LMBR1: variants seen among roughly 807,000 people sequenced by gnomAD.
The protein encoded by LMBR1 is limb region 1 protein homolog.
A neutral mutation model predicts 73.9 loss-of-function variants in LMBR1; 52 were observed. The ratio of observed to expected loss-of-function variants is 0.70; its 90% CI spans 0.56 to 0.89. The LOEUF is 0.89. Among genes scored for constraint, LMBR1 ranks in the 40% least tolerant of loss-of-function variants. LMBR1 has a pLI of 0.00. For missense variants in LMBR1, 539 were observed against 579.8 expected (o/e 0.93, Z 0.72); for synonymous variants, 215 against 209.4 (o/e 1.03, Z -0.23).
chr7:156,711,818 AC>A (rs1256946599), intron 15 of LMBR1, among the ~76,000 whole-genome samples: 4 of 152,122 alleles, frequency 2.6e-5, no homozygotes, highest in Non-Finnish European at 5.9e-5. Context: ...AAGAAACTGG[AC>A]CCCTATCTCT....
At chr7:156,742,127 T>A (rs946626357) in intron 9 of LMBR1, among the ~76,000 whole-genome samples, 2 of 151,900 alleles carry the variant, frequency 1.3e-5, no homozygotes, top group African/African-American at 4.8e-5. Flanking sequence ...TACCAAAACC[T>A]ACAGGATGCA....
intron 1 of LMBR1, among the ~76,000 whole-genome samples, chr7:156,881,682 T>C (rs950185889): frequency 5.9e-5 from 9 of 152,108 alleles, no homozygotes; most frequent in African/African-American, 1.9e-4. Flanking sequence ...GAATAAAGCA[T>C]TTCTCTAAAG....
chr7:156,800,817 T>C (rs1250589932), intron 4 of LMBR1, among the ~76,000 whole-genome samples: 1 of 152,048 alleles, frequency 6.6e-6, no homozygotes, highest in Non-Finnish European at 1.5e-5. Flanking sequence ...CACCTGGAGT[T>C]TGGAAGTGAT....
At chr7:156,702,358 C>T (rs1325519365) in intron 15 of LMBR1, among the ~76,000 whole-genome samples, 1 of 152,154 alleles carries the variant, frequency 6.6e-6, no homozygotes, top group Non-Finnish European at 1.5e-5. Context: ...TTCTGATTTG[C>T]ATTTCTCTAA....
Position 156,685,485 on chromosome 7 carries a change from G to A in LMBR1, c.1388-1322C>T, listed in dbSNP as rs552151921. ...CATCCCTAGGCTGCAGGGTGTGGCC[G>A]GCTGCTCCTCAGTTACCAAGCAGAC... On this transcript the variant is annotated intron_variant, in intron 16 of 16. Coordinates refer to ENST00000353442, the MANE Select transcript of LMBR1 (RefSeq NM_022458.4). This position sits in a 1 kb window ranked among gnomAD's most constrained non-coding sequence, Gnocchi z 4.1. Among the ~76,000 whole-genome samples, 151 of 152,336 alleles carry A rather than the reference G, an allele frequency of 9.9e-4. No individual in the cohort carries two copies. The highest frequency in any genetic ancestry group is 9.5e-3 in the Admixed American group (145 of 15,308).
chr7:156,688,307 G>C (rs1806395911), intron 15 of LMBR1, 116 bp from the exon 16 acceptor site: 2 of 670,288 alleles, frequency 3.0e-6, no homozygotes, highest in Non-Finnish European at 4.9e-6. Context: ...TCTGTGACGT[G>C]AGATGCTCTA....
chr7:156,772,111 T>G (rs543349664), intron 5 of LMBR1, among the ~76,000 whole-genome samples: 282 of 152,068 alleles, frequency 1.9e-3, no homozygotes, highest in African/African-American at 6.5e-3. Flanking sequence ...CCGTCTCTAC[T>G]AAAAATACAA....
chr7:156,676,413 C>G, downstream of LMBR1: 1 of 1,614,062 alleles, frequency 6.2e-7, no homozygotes, highest in Non-Finnish European at 8.5e-7. Flanking sequence ...GTCCTGTGTG[C>G]CGCAGGCTCT....
chr7:156,696,634 G>C (rs1808344269), intron 15 of LMBR1, among the ~76,000 whole-genome samples: 1 of 152,156 alleles, frequency 6.6e-6, no homozygotes, highest in African/African-American at 2.4e-5. Flanking sequence ...AAAACCATCA[G>C]ATCTTGTGAG....
At position 156,763,107 on chromosome 7, in the gene LMBR1, C is replaced by A; in HGVS notation, c.619+1G>T. ...TAATATCAAGTCTGAAAAATACTTA[C>A]AGAGAAGTAACAAACATCCCATCAA... On this transcript the variant is annotated splice_donor_variant, in intron 7 of 16. Coordinates refer to ENST00000353442, the MANE Select transcript of LMBR1 (RefSeq NM_022458.4). LOFTEE classifies it high-confidence loss of function. 1 of 1,351,564 alleles carries A rather than the reference C, an allele frequency of 7.4e-7. No homozygotes were observed. The highest frequency in any genetic ancestry group is 1.0e-6 in the Non-Finnish European group (1 of 963,198). The allele number at this position is 1,351,564 out of a possible 1,614,324, so 83.7% of individuals were successfully genotyped here.
At chr7:156,839,153 G>C (rs549703772) in intron 1 of LMBR1, among the ~76,000 whole-genome samples, 2 of 147,792 alleles carry the variant, frequency 1.4e-5, no homozygotes, top group Admixed American at 1.4e-4. Context: ...AGGTTCAAGT[G>C]ATTCTCCTGC....
chr7:156,721,847 TTTCA>T (rs1254894635), intron 15 of LMBR1, among the ~76,000 whole-genome samples: 4 of 152,118 alleles, frequency 2.6e-5, no homozygotes, highest in Non-Finnish European at 5.9e-5. Flanking sequence ...GTACAAAATT[TTTCA>T]TTCAAATATA....
chr7:156,700,206 T>C (rs1585250033), intron 15 of LMBR1, among the ~76,000 whole-genome samples: 1 of 152,216 alleles, frequency 6.6e-6, no homozygotes, highest in Non-Finnish European at 1.5e-5. Context: ...TGGAATACTA[T>C]GCAGCCATAA....
chr7:156,839,497 G>A (rs914454616), intron 1 of LMBR1, among the ~76,000 whole-genome samples: 4 of 151,566 alleles, frequency 2.6e-5, no homozygotes, highest in African/African-American at 9.7e-5. Context: ...GCCACAGCTT[G>A]TTGTGGAACA....
chr7:156,779,923 C>T (rs771076864), intron 5 of LMBR1, among the ~76,000 whole-genome samples: 19 of 152,152 alleles, frequency 1.2e-4, no homozygotes, highest in Non-Finnish European at 2.6e-4. Context: ...AACATATACA[C>T]AGTCATCAGG....
At chr7:156,707,762 A>G (rs749563017) in intron 15 of LMBR1, among the ~76,000 whole-genome samples, 4 of 152,124 alleles carry the variant, frequency 2.6e-5, no homozygotes, top group African/African-American at 9.6e-5. Context: ...GCCAAAAATC[A>G]TAAGAACTGG....
intron 1 of LMBR1, among the ~76,000 whole-genome samples, chr7:156,891,883 T>G (rs1803063548): frequency 6.6e-6 from 1 of 152,234 alleles, no homozygotes; most frequent in African/African-American, 2.4e-5. Flanking sequence ...TCCAAAGTGA[T>G]TCTCAATTTT....
At chr7:156,806,794 T>G (rs1372376724) in intron 4 of LMBR1, among the ~76,000 whole-genome samples, 1 of 151,898 alleles carries the variant, frequency 6.6e-6, no homozygotes, top group African/African-American at 2.4e-5. Flanking sequence ...ATATTTTTAG[T>G]AGGGACAGGG....
chr7:156,700,218 AATG>A (rs1298212751), intron 15 of LMBR1, among the ~76,000 whole-genome samples: 1 of 152,212 alleles, frequency 6.6e-6, no homozygotes, highest in African/African-American at 2.4e-5. Flanking sequence ...CAGCCATAAA[AATG>A]ATGAGTTCAT....
Sources: allele counts gnomAD v4.1 joint callset (sites outside exome capture counted in the v4.1 genomes callset), GRCh38; gene constraint gnomAD v4.1.1; non-coding constraint Gnocchi (gnomAD v3.1); transcripts MANE v1.5; gene names NCBI Gene and HGNC (gene_info 2026-07-23, HGNC 2026-07-21).